The following PCNX2 variants were observed in gnomAD, a reference collection of about 807,000 sequenced individuals.
The protein encoded by PCNX2 is pecanex-like protein 2.
In PCNX2, 168 loss-of-function variants were observed where a neutral mutation model predicts 223.8. The observed-to-expected ratio is 0.75, with a 90% CI of 0.66 to 0.85. The LOEUF (loss-of-function observed/expected upper bound fraction) is 0.85, where lower values mean the gene tolerates loss of function less well. Among genes scored for constraint, PCNX2 ranks in the 40% least tolerant of loss-of-function variants. PCNX2 has a pLI of 0.00. For missense variants in PCNX2, 2,507 were observed against 2,675.5 expected (o/e 0.94, Z 1.39); for synonymous variants, 1,006 against 1,052.6 (o/e 0.96, Z 0.86).
chr1:233,301,462 T>C, the PCNX2 span, among the ~76,000 whole-genome samples: 2 of 152,166 alleles, frequency 1.3e-5, no homozygotes, highest in Non-Finnish European at 2.9e-5. Flanking sequence ...CCAAAGCAGA[T>C]AAAGACATGA....
At chr1:233,184,131 A>G (rs953932139) in intron 15 of PCNX2, among the ~76,000 whole-genome samples, 2 of 152,228 alleles carry the variant, frequency 1.3e-5, no homozygotes, top group Non-Finnish European at 2.9e-5. Context: ...TGAAGGTGGA[A>G]CCTTTTCTCT....
chr1:233,058,140 C>T, intron 23 of PCNX2: 1 of 830,648 alleles, frequency 1.2e-6, no homozygotes, highest in Non-Finnish European at 1.4e-6. Context: ...CCTCAGTGCA[C>T]AGCTTTTGTA....
chr1:233,269,548 A>G (rs1331933619), intron 1 of PCNX2, among the ~76,000 whole-genome samples: 2 of 152,240 alleles, frequency 1.3e-5, no homozygotes, highest in Admixed American at 6.5e-5. Flanking sequence ...ATCTAGGATT[A>G]CAAAGAAAAT....
At chr1:233,002,138 T>C (rs2102798591) in intron 28 of PCNX2, among the ~76,000 whole-genome samples, 1 of 152,306 alleles carries the variant, frequency 6.6e-6, no homozygotes, top group South Asian at 2.1e-4. Context: ...GCTATGTCAT[T>C]GGATTCAACC....
intron 24 of PCNX2, 82 bp downstream of exon 24, chr1:233,057,150 A>C: frequency 8.6e-7 from 1 of 1,163,908 alleles, no homozygotes; most frequent in African/African-American, 1.5e-5. Flanking sequence ...CAATGAGTAC[A>C]GAGTGAGTAT....
At chr1:233,072,384 T>C (rs1672896601) in intron 23 of PCNX2, among the ~76,000 whole-genome samples, 1 of 152,198 alleles carries the variant, frequency 6.6e-6, no homozygotes, top group Non-Finnish European at 1.5e-5. Context: ...GCCAGCACCA[T>C]TTATTGAACA....
intron 33 of PCNX2, chr1:232,984,702 G>A (rs2102770499): frequency 2.0e-6 from 1 of 494,668 alleles, no homozygotes; most frequent in East Asian, 3.6e-5. Context: ...TCTGCACGTG[G>A]GCCTTTCTGG....
intron 33 of PCNX2, chr1:232,985,276 A>G (rs1046088738): frequency 2.0e-5 from 3 of 152,182 alleles, no homozygotes; most frequent in African/African-American, 4.8e-5. Flanking sequence ...GGAGGGTGAC[A>G]CTAGAAATGT....
intron 21 of PCNX2, among the ~76,000 whole-genome samples, chr1:233,104,995 A>G (rs1350764479): frequency 1.3e-5 from 2 of 152,198 alleles, no homozygotes; most frequent in Non-Finnish European, 2.9e-5. Flanking sequence ...TAGAACTTTT[A>G]GAACCCAGGT....
chr1:233,252,270 C>T, intron 7 of PCNX2, 84 bp downstream of exon 7: 3 of 1,439,786 alleles, frequency 2.1e-6, no homozygotes, highest in Non-Finnish European at 2.8e-6. Context: ...AAGTCTAGTA[C>T]TCATGCTAAG....
chr1:233,119,403 CAAAAAAAAAAA>C (rs71173251), intron 21 of PCNX2, among the ~76,000 whole-genome samples: 7 of 38,628 alleles, frequency 1.8e-4, no homozygotes, highest in East Asian at 1.4e-3. Context: ...ACTAAAAATA[CAAAAAAAAAAA>C]AAAAAAAAAA....
intron 23 of PCNX2, among the ~76,000 whole-genome samples, chr1:233,073,738 C>T (rs938045475): frequency 6.6e-6 from 1 of 151,848 alleles, no homozygotes; most frequent in African/African-American, 2.4e-5. Flanking sequence ...TCAGCCTCTT[C>T]AGTAGCTAAA....
At chr1:233,324,993 A>G in the PCNX2 span, among the ~76,000 whole-genome samples, 10 of 152,234 alleles carry the variant, frequency 6.6e-5, no homozygotes, top group Non-Finnish European at 1.3e-4. Context: ...GTCACCCAAG[A>G]GCTCTGCTAG....
At chr1:233,231,562 G>T in intron 9 of PCNX2, 1 of 856,658 alleles carries the variant, frequency 1.2e-6, no homozygotes. Flanking sequence ...TTTCTTGGGG[G>T]GTGGATATTG....
chr1:233,249,841 G>A lies in PCNX2; in HGVS notation c.2222+898C>T, dbSNP rs544884668. On this transcript the variant is annotated intron_variant, in intron 8 of 33. Transcript: ENST00000258229. ...AGAATGCCCTAAGAAGCTGGTACAC[G>A]ACAGCATTCCACCTGGAGGCCAGAA... 2.1e-4 allele frequency among the ~76,000 whole-genome samples: 32 copies of A among 152,260 alleles called. No homozygotes were observed. In the South Asian group the frequency reaches 6.0e-3, roughly 29 times the overall value.
chr1:233,238,535 G>GA (rs956889320), intron 8 of PCNX2, among the ~76,000 whole-genome samples: 2 of 151,382 alleles, frequency 1.3e-5, no homozygotes, highest in Non-Finnish European at 3.0e-5. Flanking sequence ...TACAAAAATA[G>GA]AAAAAAAATT....
intron 21 of PCNX2, among the ~76,000 whole-genome samples, chr1:233,120,561 G>A (rs180747822): frequency 7.2e-4 from 110 of 152,158 alleles, no homozygotes; most frequent in African/African-American, 2.3e-3. Context: ...AACTACCTAC[G>A]GCAAAAGTAA....
intron 19 of PCNX2, among the ~76,000 whole-genome samples, chr1:233,157,805 T>C (rs1361290271): frequency 1.3e-5 from 2 of 152,172 alleles, no homozygotes; most frequent in African/African-American, 4.8e-5. Flanking sequence ...TTCCTTCTAA[T>C]ACACCTAATT....
intron 2 of PCNX2, 44 bp downstream of exon 2, chr1:233,262,914 A>T: frequency 1.3e-6 from 2 of 1,583,342 alleles, no homozygotes; most frequent in Non-Finnish European, 1.7e-6. Flanking sequence ...AATCAAGAGC[A>T]AAACATTTAC....
Sources: allele counts gnomAD v4.1 joint callset (sites outside exome capture counted in the v4.1 genomes callset), GRCh38; gene constraint gnomAD v4.1.1; transcripts MANE v1.5; gene names NCBI Gene and HGNC (gene_info 2026-07-23, HGNC 2026-07-21).